The following RAD51B variants were observed in gnomAD, a reference collection of about 807,000 sequenced individuals.
RAD51B encodes the protein DNA repair protein RAD51 homolog 2.
RAD51B carries 38 observed loss-of-function variants against 42.2 expected under a neutral mutation model. That is an observed-to-expected ratio of 0.90 (90% CI 0.70 to 1.18). RAD51B has a LOEUF of 1.18. RAD51B is among the 50% of genes most tolerant of loss of function. The pLI, the probability that RAD51B is intolerant of heterozygous loss-of-function variation, is 0.00. For missense variants in RAD51B, 373 were observed against 400.7 expected, an observed-to-expected ratio of 0.93 and a Z score of 0.59; for synonymous variants, 154 against 145.2, an observed-to-expected ratio of 1.06 and a Z score of -0.43.
chr14:68,546,522 TGTCCA>T (rs776861282), intron 10 of RAD51B, among the ~76,000 whole-genome samples: 1 of 152,212 alleles, frequency 6.6e-6, no homozygotes, highest in Non-Finnish European at 1.5e-5. Context: ...CCACTAGAGA[TGTCCA>T]GTAGACAGTT....
At chr14:68,308,704 TAAAAAAAA>T (rs67048671) in intron 8 of RAD51B, among the ~76,000 whole-genome samples, 2 of 104,338 alleles carry the variant, frequency 1.9e-5, no homozygotes, top group Admixed American at 1.1e-4. Flanking sequence ...TCTGTGTCAT[TAAAAAAAA>T]AAAAAAAAAA....
At chr14:68,125,418 G>A (rs1237276215) in intron 7 of RAD51B, 1 of 152,206 alleles carries the variant, frequency 6.6e-6, no homozygotes, top group Admixed American at 6.5e-5. Context: ...AACTGCAATG[G>A]AAAAGCACAC....
At chr14:68,425,187 A>C (rs1337062875) in intron 9 of RAD51B, among the ~76,000 whole-genome samples, 1 of 152,228 alleles carries the variant, frequency 6.6e-6, no homozygotes, top group Non-Finnish European at 1.5e-5. Flanking sequence ...AAGAAAACCC[A>C]CTGAGATAAG....
intron 7 of RAD51B, among the ~76,000 whole-genome samples, chr14:67,930,257 A>C (rs1595124014): frequency 6.6e-6 from 1 of 151,116 alleles, no homozygotes; most frequent in Admixed American, 6.6e-5. Flanking sequence ...TGGTGGTATC[A>C]CTTGAATTTT....
In RAD51B at chr14:67,864,982, TTTTTTTTTTTTTTTTTTTA is replaced by T. The variant is rs1428215342; in HGVS notation, c.316-20_316-2del. On this transcript the variant is annotated splice_acceptor_variant and splice_polypyrimidine_tract_variant and intron_variant, in intron 4 of 10. Coordinates refer to ENST00000471583, the MANE Select transcript of RAD51B (RefSeq NM_133510.4). LOFTEE classifies it high-confidence loss of function. ...AAAACTTTTTTTTTTTTTTTTTTTT[TTTTTTTTTTTTTTTTTTTA>T]GATTACAGGTCCACCAGGTTGTGGA... is the stretch of plus-strand genomic sequence containing the variant. 1.6e-6 allele frequency: 2 copies of T among 1,237,970 alleles called. No individual in the cohort carries two copies. Among genetic ancestry groups the T allele is most frequent in the African/African-American group, 3.5e-5 (2 of 57,252 alleles). The allele number at this position is 1,237,970 out of a possible 1,614,324, so 76.7% of individuals were successfully genotyped here.
intron 7 of RAD51B, among the ~76,000 whole-genome samples, chr14:68,198,118 A>G (rs1036220944): frequency 6.6e-6 from 1 of 152,006 alleles, no homozygotes; most frequent in South Asian, 2.1e-4. Context: ...ATTAATCTCT[A>G]TGTGTGTCAT....
intron 8 of RAD51B, among the ~76,000 whole-genome samples, chr14:68,372,794 C>T (rs2083289744): frequency 6.6e-6 from 1 of 152,132 alleles, no homozygotes; most frequent in Non-Finnish European, 1.5e-5. Flanking sequence ...TTTCAATTAA[C>T]CCTAGAAAAC....
rs530344943 is a variant in RAD51B, at chr14:67,885,219, A to G, written c.453-650A>G. Among the ~76,000 whole-genome samples, 4 of 152,196 alleles carry G rather than the reference A, an allele frequency of 2.6e-5. No homozygotes were observed. The South Asian group carries it at 8.3e-4, about 31-fold the overall frequency. On this transcript the variant is annotated intron_variant, in intron 5 of 10. Coordinates refer to ENST00000471583, the MANE Select transcript of RAD51B (RefSeq NM_133510.4). ...AGAAATTTCTAGTAATGCTTTCCAT[A>G]TCTTATAATATGAATGATGGCATTT...
intron 7 of RAD51B, among the ~76,000 whole-genome samples, chr14:67,988,780 A>C (rs943034132): frequency 2.0e-5 from 3 of 152,216 alleles, no homozygotes; most frequent in African/African-American, 7.2e-5. Context: ...CTGTTTTGAC[A>C]CATTGAATTT....
At chr14:68,146,605 G>T (rs1392604381) in intron 7 of RAD51B, among the ~76,000 whole-genome samples, 1 of 152,134 alleles carries the variant, frequency 6.6e-6, no homozygotes, top group Non-Finnish European at 1.5e-5. Context: ...TCTATTAGAG[G>T]ACCCTGGCTT....
chr14:68,449,914 T>C (rs1230909933), intron 9 of RAD51B, among the ~76,000 whole-genome samples: 1 of 152,182 alleles, frequency 6.6e-6, no homozygotes, highest in African/African-American at 2.4e-5. Context: ...TCATGTGGGC[T>C]CTTGTCTTTG....
intron 7 of RAD51B, among the ~76,000 whole-genome samples, chr14:68,255,516 G>A (rs180694595): frequency 6.6e-6 from 1 of 152,298 alleles, no homozygotes; most frequent in Admixed American, 6.5e-5. Flanking sequence ...CCCACAAGGA[G>A]GGACTTGTTT....
chr14:68,256,421 T>C (rs1442189515), intron 7 of RAD51B, among the ~76,000 whole-genome samples: 1 of 152,230 alleles, frequency 6.6e-6, no homozygotes, highest in Non-Finnish European at 1.5e-5. Flanking sequence ...TCTAATTTGA[T>C]GACGATGACT....
chr14:68,489,134 T>A (rs1006051193), intron 10 of RAD51B, among the ~76,000 whole-genome samples: 63 of 150,748 alleles, frequency 4.2e-4, no homozygotes, highest in African/African-American at 6.1e-4. Flanking sequence ...TTTTTTTTTT[T>A]ATTAAATTTT....
rs187618295 is a variant in RAD51B, at chr14:67,838,401, A to T, written c.315+3205A>T. Among the ~76,000 whole-genome samples, 928 of 152,140 alleles carry T rather than the reference A, an allele frequency of 6.1e-3. 11 individuals carry two copies. The highest frequency in any genetic ancestry group is 0.02 in the African/African-American group (810 of 41,512). On this transcript the variant is annotated intron_variant, in intron 4 of 10. Transcript: ENST00000471583. ...GTGGATGTGGGAAAAGAATGCATAT[A>T]TATATTCTGTATTGTTTTTATTTAT...
chr14:68,331,191 G>A (rs10136837), intron 8 of RAD51B, among the ~76,000 whole-genome samples: 14,961 of 151,102 alleles, frequency 0.099, 854 homozygotes, highest in African/African-American at 0.15. Flanking sequence ...GTGAAACCCC[G>A]TCTCTACTAA....
chr14:68,320,882 T>A (rs2082145006), intron 8 of RAD51B, among the ~76,000 whole-genome samples: 1 of 152,214 alleles, frequency 6.6e-6, no homozygotes. Context: ...CCCAAAGGTC[T>A]GGAAGAGTTG....
At chr14:68,135,850 A>G (rs1231453371) in intron 7 of RAD51B, among the ~76,000 whole-genome samples, 1 of 152,146 alleles carries the variant, frequency 6.6e-6, no homozygotes, top group Non-Finnish European at 1.5e-5. Flanking sequence ...GTAGAGCCTT[A>G]AGTTACCTCA....
chr14:68,008,867 T>C lies in RAD51B; in HGVS notation c.756+121663T>C, dbSNP rs113533017. 7.4e-3 allele frequency among the ~76,000 whole-genome samples: 1,120 copies of C among 152,108 alleles called. 11 individuals are homozygous for C. Among genetic ancestry groups the C allele is most frequent in the African/African-American group, 0.026 (1,084 of 41,504 alleles). ...ATCTGTGTAGTGATAACTTTGTTTTTTCCTCCCTCATTGATTATAGTCTCT... is the reference window on the plus strand; with the variant it reads ...ATCTGTGTAGTGATAACTTTGTTTTCTCCTCCCTCATTGATTATAGTCTCT... On this transcript the variant is annotated intron_variant, in intron 7 of 10. Transcript: ENST00000471583.
Sources: gnomAD v4.1 joint callset for allele counts (sites outside exome capture counted in the v4.1 genomes callset) on GRCh38, gnomAD v4.1.1 for gene constraint, MANE v1.5 for transcripts, NCBI Gene and HGNC (gene_info 2026-07-23, HGNC 2026-07-21) for gene names.